GLYATL1: variants seen among roughly 807,000 people sequenced by gnomAD.
The protein encoded by GLYATL1 is glycine-N-acyltransferase like 1.
Under a neutral mutation model 20.0 loss-of-function variants are expected in GLYATL1, and 15 were observed. The ratio of observed to expected loss-of-function variants is 0.75; its 90% CI spans 0.50 to 1.15. The LOEUF (loss-of-function observed/expected upper bound fraction) is 1.15. Ranked by LOEUF, GLYATL1 falls within the 50% of genes most tolerant of loss-of-function variation. GLYATL1 has a pLI of 0.00. For missense variants in GLYATL1, 380 were observed against 368.5 expected (o/e 1.03, Z -0.26); for synonymous variants, 151 against 131.5 (o/e 1.15, Z -1.01).
At position 58,943,648 on chromosome 11, in the gene GLYATL1, G is replaced by C. The variant is rs1398125906; in HGVS notation, c.-61G>C. On this transcript the variant is annotated 5_prime_UTR_variant, in exon 2 of 7. Transcript: ENST00000532726. ...TCCAATTGTGTCCATTGATCTCTCAGAGTGGCTGAGGATAATAGGTAAGCT... is the reference window on the plus strand; with the variant it reads ...TCCAATTGTGTCCATTGATCTCTCACAGTGGCTGAGGATAATAGGTAAGCT... The C allele has an allele frequency of 4.3e-6, 7 of 1,613,528 alleles. No individual in the cohort carries two copies. The highest frequency in any genetic ancestry group is 5.9e-6 in the Non-Finnish European group (7 of 1,179,574).
chr11:58,949,470 C>A (rs1856813947), intron 4 of GLYATL1, among the ~76,000 whole-genome samples: 1 of 152,154 alleles, frequency 6.6e-6, no homozygotes, highest in East Asian at 1.9e-4. Flanking sequence ...GGTCCAATTT[C>A]TTCAAAGTGT....
chr11:58,954,294 G>C (rs1857218972), intron 4 of GLYATL1, among the ~76,000 whole-genome samples: 1 of 152,204 alleles, frequency 6.6e-6, no homozygotes, highest in Non-Finnish European at 1.5e-5. Flanking sequence ...AACCCAGAAT[G>C]TGTCCCACAG....
chr11:58,950,223 G>A (rs978257795), intron 4 of GLYATL1, among the ~76,000 whole-genome samples: 2 of 151,398 alleles, frequency 1.3e-5, no homozygotes, highest in Non-Finnish European at 2.9e-5. Context: ...ACCGGGAGGC[G>A]GAGCTTGCAG....
intron 3 of GLYATL1, 181 bp downstream of exon 3, chr11:58,947,346 A>T: frequency 1.2e-6 from 1 of 804,746 alleles, no homozygotes; most frequent in Non-Finnish European, 1.9e-6. Context: ...AGAGGCAGCT[A>T]GGTCCACTCT....
intron 1 of GLYATL1, among the ~76,000 whole-genome samples, chr11:58,906,176 CA>C (rs1379444978): frequency 6.6e-6 from 1 of 152,168 alleles, no homozygotes; most frequent in African/African-American, 2.4e-5. Context: ...GGGCAGTAGA[CA>C]GAAGGATCTC....
At position 58,907,776 on chromosome 11, in the gene GLYATL1, T is replaced by C. The variant is rs533142969; in HGVS notation, n.774T>C. The C allele has an allele frequency of 1.1e-4, 20 of 190,064 alleles. 1 individual carries two copies. In the South Asian group the frequency reaches 2.1e-3, roughly 20 times the overall value. 11.8% of individuals were successfully genotyped at this position (190,064 alleles called of 1,614,324 possible). A position where few individuals can be genotyped will look rare whatever the true frequency, so the allele number is the denominator to read the frequency against. On this transcript the variant is annotated non_coding_transcript_exon_variant, in exon 2 of 2. Transcript: ENST00000524629. The stretch of plus-strand genomic sequence containing the variant: ...TATTCTTGAGCTTTGTTCCAGTACG[T>C]TGTTATTTTACATGGAAACCATTTC...
At chr11:58,950,135 A>T (rs1230364496) in intron 4 of GLYATL1, among the ~76,000 whole-genome samples, 2 of 118,078 alleles carry the variant, frequency 1.7e-5, no homozygotes, top group Non-Finnish European at 3.9e-5. Flanking sequence ...AAAAAAAAAA[A>T]AAAAAATTAG....
At chr11:58,936,708 T>TA (rs1451371803), upstream of GLYATL1, among the ~76,000 whole-genome samples, 23 of 152,188 alleles carry the variant, frequency 1.5e-4, no homozygotes, top group African/African-American at 5.3e-4. Flanking sequence ...ATAGCCAAAG[T>TA]TTTGTTTTTC....
intron 4 of GLYATL1, 139 bp from the exon 5 acceptor site, chr11:58,954,631 T>C (rs1565136120): frequency 1.9e-5 from 13 of 681,488 alleles, no homozygotes; most frequent in Non-Finnish European, 2.5e-6. Flanking sequence ...TAGGTTTTAT[T>C]ATCGATGTGC....
chr11:58,909,432 T>C (rs1260663982), downstream of GLYATL1, among the ~76,000 whole-genome samples: 2 of 152,160 alleles, frequency 1.3e-5, no homozygotes, highest in Non-Finnish European at 2.9e-5. Flanking sequence ...GGATGAGACT[T>C]TTGGAGGTGA....
intron 1 of GLYATL1, among the ~76,000 whole-genome samples, chr11:58,914,622 C>T (rs957264833): frequency 6.6e-6 from 1 of 152,046 alleles, no homozygotes; most frequent in Admixed American, 6.6e-5. Context: ...GATAATGAGG[C>T]AAAGGGTAAA....
At chr11:58,923,530 C>A (rs1173990085), upstream of GLYATL1, among the ~76,000 whole-genome samples, 1 of 152,088 alleles carries the variant, frequency 6.6e-6, no homozygotes, top group Non-Finnish European at 1.5e-5. Flanking sequence ...GAATTGGTGG[C>A]ATGATTTGCA....
At chr11:58,907,927 C>CTT (rs1359271150) in exon 2 of GLYATL1, 2 of 153,108 alleles carry the variant, frequency 1.3e-5, no homozygotes, top group Non-Finnish European at 2.9e-5. Context: ...GTTTTCTAGT[C>CTT]GGATTTTGGG....
At chr11:58,952,568 A>C (rs1261460406) in intron 4 of GLYATL1, among the ~76,000 whole-genome samples, 1 of 152,202 alleles carries the variant, frequency 6.6e-6, no homozygotes, top group African/African-American at 2.4e-5. Flanking sequence ...TAATTTCAAC[A>C]TTCTTTTTAA....
chr11:58,940,036 T>G (rs1368394472), intron 1 of GLYATL1, among the ~76,000 whole-genome samples: 3 of 152,196 alleles, frequency 2.0e-5, no homozygotes, highest in African/African-American at 7.2e-5. Flanking sequence ...TCTGATATAG[T>G]CATCAGAAAT....
chr11:58,923,056 G>A (rs1780887970), upstream of GLYATL1, among the ~76,000 whole-genome samples: 1 of 152,094 alleles, frequency 6.6e-6, no homozygotes, highest in Admixed American at 6.5e-5. Context: ...TAATGGGGTG[G>A]GTCTCAATAA....
At chr11:58,931,750 CTCAGAATACATGTT>C (rs1855608351) in intron 1 of GLYATL1, among the ~76,000 whole-genome samples, 1 of 152,040 alleles carries the variant, frequency 6.6e-6, no homozygotes, top group Non-Finnish European at 1.5e-5. Flanking sequence ...CAAGAAGAAA[CTCAGAATACATGTT>C]TAACACGTAT....
At chr11:58,913,216 G>T (rs1470433558), downstream of GLYATL1, among the ~76,000 whole-genome samples, 2 of 152,106 alleles carry the variant, frequency 1.3e-5, no homozygotes, top group Non-Finnish European at 2.9e-5. Flanking sequence ...GGGCAGAGGA[G>T]TTGAGAGTGG....
intron 1 of GLYATL1, among the ~76,000 whole-genome samples, chr11:58,933,099 T>C (rs1039259117): frequency 1.6e-4 from 25 of 152,152 alleles, no homozygotes; most frequent in Admixed American, 1.4e-3. Context: ...AATGACACCA[T>C]TGTCAGATTC....
Sources: gnomAD v4.1 joint callset for allele counts (sites outside exome capture counted in the v4.1 genomes callset) on GRCh38, gnomAD v4.1.1 for gene constraint, MANE v1.5 for transcripts, NCBI Gene and HGNC (gene_info 2026-07-23, HGNC 2026-07-21) for gene names.